The following CBLB variants were observed in gnomAD, a reference collection of about 807,000 sequenced individuals.
CBLB encodes the protein Cbl proto-oncogene B, also known as E3 ubiquitin-protein ligase CBL-B.
Under a neutral mutation model 104.9 loss-of-function variants are expected in CBLB, and 31 were observed. That is an observed-to-expected ratio of 0.30 (90% CI 0.22 to 0.40). The LOEUF is 0.40. Ranked by LOEUF, CBLB falls within the 10% of genes least tolerant of loss-of-function variation. The pLI, the probability that CBLB is intolerant of heterozygous loss-of-function variation, is 1.00. For missense variants in CBLB, 1,062 were observed against 1,214.6 expected, an observed-to-expected ratio of 0.87 and a Z score of 1.87; for synonymous variants, 440 against 422.6, an observed-to-expected ratio of 1.04 and a Z score of -0.51.
chr3:105,699,269 A>G (rs16851462), intron 12 of CBLB, among the ~76,000 whole-genome samples: 3,106 of 152,270 alleles, frequency 0.02, 105 homozygotes, highest in African/African-American at 0.07. Context: ...ACTATTTTGA[A>G]TAAAAATGCC....
intron 13 of CBLB, among the ~76,000 whole-genome samples, chr3:105,692,594 T>C (rs941207906): frequency 2.0e-5 from 3 of 152,038 alleles, no homozygotes; most frequent in Non-Finnish European, 4.4e-5. Flanking sequence ...GGGCAAGTAT[T>C]AGGAATCACT....
intron 16 of CBLB, chr3:105,681,108 C>T: frequency 7.0e-6 from 2 of 284,548 alleles, no homozygotes; most frequent in South Asian, 8.6e-5. Context: ...AACTGGTGCT[C>T]ATGCTGCAAG....
In CBLB at chr3:105,868,955, G is replaced by C. The variant is rs547995147; in HGVS notation, c.-234C>G. ...CCCGCTCTCCCCTCCCGCCCGACTC[G>C]GGGAGGCCGCGGGACGCCGCAGCAG... On this transcript the variant is annotated 5_prime_UTR_variant, in exon 1 of 19. Transcript: ENST00000394030. 1,035 of 1,020,664 alleles carry C rather than the reference G, an allele frequency of 1.0e-3. 9 individuals carry two copies. In the African/African-American group the frequency reaches 0.016, roughly 16 times the overall value. The allele number at this position is 1,020,664 out of a possible 1,614,324, so 63.2% of individuals were successfully genotyped here. A position where few individuals can be genotyped will look rare whatever the true frequency, so the allele number is the denominator to read the frequency against.
At chr3:105,761,255 C>T (rs2077594806) in intron 4 of CBLB, among the ~76,000 whole-genome samples, 1 of 152,164 alleles carries the variant, frequency 6.6e-6, no homozygotes, top group South Asian at 2.1e-4. Flanking sequence ...TGGTCTCGAA[C>T]TTCTGGACTC....
chr3:105,862,527 T>C (rs1337362070), intron 2 of CBLB, among the ~76,000 whole-genome samples: 2 of 152,210 alleles, frequency 1.3e-5, no homozygotes, highest in African/African-American at 4.8e-5. Context: ...TACTTCCAAG[T>C]ATCTAGGCCA....
chr3:105,738,969 G>A (rs1249472421), intron 7 of CBLB, among the ~76,000 whole-genome samples: 1 of 152,174 alleles, frequency 6.6e-6, no homozygotes. Context: ...GAGTGCAGTG[G>A]CACGATGTTG....
chr3:105,741,199 T>C (rs987706127), intron 6 of CBLB, among the ~76,000 whole-genome samples: 10 of 151,200 alleles, frequency 6.6e-5, no homozygotes, highest in African/African-American at 2.2e-4. Flanking sequence ...AGTTTGTTTG[T>C]TTTTTTTGAG....
intron 3 of CBLB, among the ~76,000 whole-genome samples, chr3:105,813,026 C>T (rs1346143543): frequency 6.6e-6 from 1 of 151,984 alleles, no homozygotes; most frequent in Non-Finnish European, 1.5e-5. Flanking sequence ...ATAAAGTAAA[C>T]AAGCAGTATG....
At chr3:105,681,647 A>G in intron 15 of CBLB, 37 bp from the exon 16 acceptor site, 1 of 1,613,696 alleles carries the variant, frequency 6.2e-7, no homozygotes, top group Non-Finnish European at 8.5e-7. Flanking sequence ...TATTTTCAGT[A>G]CAATGGCATG....
At chr3:105,801,615 T>C (rs1011925978) in intron 3 of CBLB, among the ~76,000 whole-genome samples, 1 of 152,238 alleles carries the variant, frequency 6.6e-6, no homozygotes, top group Non-Finnish European at 1.5e-5. Context: ...TCTTCTTCAC[T>C]GTGGTACAGC....
At chr3:105,819,702 T>G (rs2085560448) in intron 3 of CBLB, among the ~76,000 whole-genome samples, 1 of 152,206 alleles carries the variant, frequency 6.6e-6, no homozygotes, top group South Asian at 2.1e-4. Flanking sequence ...ATGCTTCCTT[T>G]CAGTTGGACT....
At chr3:105,867,268 G>A (rs1271417880) in intron 2 of CBLB, 142 bp downstream of exon 2, 2 of 911,562 alleles carry the variant, frequency 2.2e-6, no homozygotes, top group Non-Finnish European at 3.6e-6. Flanking sequence ...AAAAAACACA[G>A]AGTTGAAGAA....
At chr3:105,774,080 G>C (rs138883406) in intron 4 of CBLB, among the ~76,000 whole-genome samples, 102 of 152,368 alleles carry the variant, frequency 6.7e-4, no homozygotes, top group African/African-American at 2.3e-3. Flanking sequence ...GAGGTGGTTA[G>C]ATCTTGAGGG....
At chr3:105,822,503 C>T (rs1202652987) in intron 3 of CBLB, among the ~76,000 whole-genome samples, 1 of 152,142 alleles carries the variant, frequency 6.6e-6, no homozygotes, top group Non-Finnish European at 1.5e-5. Context: ...AATGTTCCCA[C>T]TCAGTTACAT....
chr3:105,842,034 G>A (rs78795990), intron 3 of CBLB, among the ~76,000 whole-genome samples: 11,060 of 151,952 alleles, frequency 0.073, 577 homozygotes, highest in East Asian at 0.29. Flanking sequence ...AAAAAAAGAG[G>A]GTTACAGTCC....
At chr3:105,862,672 T>C (rs910295886) in intron 2 of CBLB, among the ~76,000 whole-genome samples, 4 of 152,190 alleles carry the variant, frequency 2.6e-5, no homozygotes, top group Non-Finnish European at 5.9e-5. Flanking sequence ...AAGTTTTCCC[T>C]CCCTGATTAA....
chr3:105,765,425 T>C (rs1007494817), intron 4 of CBLB, among the ~76,000 whole-genome samples: 2 of 152,216 alleles, frequency 1.3e-5, no homozygotes, highest in East Asian at 3.8e-4. Flanking sequence ...ATCTGTAAAT[T>C]AGGAAGTGGG....
chr3:105,737,990 A>G (rs1455061864), intron 7 of CBLB, among the ~76,000 whole-genome samples: 1 of 152,220 alleles, frequency 6.6e-6, no homozygotes, highest in Non-Finnish European at 1.5e-5. Flanking sequence ...GTGTTAAATC[A>G]GAAGTTGTAC....
chr3:105,852,613 C>T (rs1324777091), intron 3 of CBLB, among the ~76,000 whole-genome samples: 1 of 151,982 alleles, frequency 6.6e-6, no homozygotes, highest in Non-Finnish European at 1.5e-5. Context: ...TTTCTGAAGT[C>T]TGCAGTAGTG....
Sources: gnomAD v4.1 joint callset for allele counts (sites outside exome capture counted in the v4.1 genomes callset) on GRCh38, gnomAD v4.1.1 for gene constraint, MANE v1.5 for transcripts, NCBI Gene and HGNC (gene_info 2026-07-23, HGNC 2026-07-21) for gene names.